The following LHPP variants were observed in gnomAD, a reference collection of about 807,000 sequenced individuals.
The protein encoded by LHPP is phospholysine phosphohistidine inorganic pyrophosphate phosphatase, also known as hLHPP.
A neutral mutation model predicts 30.3 loss-of-function variants in LHPP; 24 were observed. That is an observed-to-expected ratio of 0.79 (90% CI 0.57 to 1.11). The LOEUF (loss-of-function observed/expected upper bound fraction) is 1.11, where lower values mean the gene tolerates loss of function less well. Among genes scored for constraint, LHPP ranks in the 50% most tolerant of loss-of-function variants. LHPP has a pLI of 0.00. For missense variants in LHPP, 356 were observed against 367.2 expected, an observed-to-expected ratio of 0.97 and a Z score of 0.25; for synonymous variants, 150 against 157.1, an observed-to-expected ratio of 0.95 and a Z score of 0.34.
chr10:124,461,954 C>G lies in LHPP; in HGVS notation c.92C>G (p.Thr31Arg). Residue 31 changes from threonine (T) to arginine (R), a missense_variant, in exon 1 of 7, where the codon ACG becomes AGG. Physicochemically the swap from Thr to Arg is moderately conservative, Grantham distance 71. Transcript: ENST00000368842. ...TACGACAGCGGCGCGGGCGGCGGCA[C>G]GGCCATCGCCGGCTCGGTGGAGGCG... ...VLYDSGAGGG[T>R]AIAGSVEAVA... is the part of the protein sequence containing the mutation. 2 of 1,228,194 alleles carry G rather than the reference C, an allele frequency of 1.6e-6. No individual in the cohort carries two copies. 76.1% of individuals were successfully genotyped at this position (1,228,194 alleles called of 1,614,324 possible).
At chr10:124,522,731 CCA>C (rs1954640602) in intron 6 of LHPP, among the ~76,000 whole-genome samples, 3 of 148,764 alleles carry the variant, frequency 2.0e-5, no homozygotes, top group Admixed American at 2.0e-4. Flanking sequence ...ACGCCCCCCC[CCA>C]AGCACTGTCT....
chr10:124,485,879 G>A (rs1261929336), intron 2 of LHPP, among the ~76,000 whole-genome samples: 1 of 152,168 alleles, frequency 6.6e-6, no homozygotes, highest in Non-Finnish European at 1.5e-5. Flanking sequence ...GGGATTACAG[G>A]CGTGAGCCAC....
intron 6 of LHPP, among the ~76,000 whole-genome samples, chr10:124,550,762 G>A (rs939440545): frequency 6.6e-6 from 1 of 152,190 alleles, no homozygotes; most frequent in Non-Finnish European, 1.5e-5. Context: ...AATGCCAGCT[G>A]GGGGCAGGGA....
chr10:124,531,298 C>T (rs965528783), intron 6 of LHPP, among the ~76,000 whole-genome samples: 10 of 152,312 alleles, frequency 6.6e-5, no homozygotes, highest in African/African-American at 2.2e-4. Flanking sequence ...ATGTCAAGCT[C>T]GTTTCTGTTG....
intron 5 of LHPP, among the ~76,000 whole-genome samples, chr10:124,501,632 C>T (rs1032133259): frequency 8.9e-5 from 13 of 146,876 alleles, no homozygotes; most frequent in African/African-American, 3.4e-4. Flanking sequence ...GAAAAATATT[C>T]TGGAACTGGA....
chr10:124,547,190 C>T (rs1434612751), intron 6 of LHPP, among the ~76,000 whole-genome samples: 1 of 152,202 alleles, frequency 6.6e-6, no homozygotes, highest in African/African-American at 2.4e-5. Context: ...TTCCTGATGG[C>T]TGTGAGCTGT....
intron 6 of LHPP, among the ~76,000 whole-genome samples, chr10:124,606,314 G>A (rs1410504465): frequency 9.2e-5 from 14 of 152,224 alleles, no homozygotes; most frequent in African/African-American, 3.1e-4. Context: ...CGGGAGCAGT[G>A]CTCAGCCTTA....
At chr10:124,539,735 C>CAAAAAAA (rs34308960) in intron 6 of LHPP, among the ~76,000 whole-genome samples, 1 of 120,904 alleles carries the variant, frequency 8.3e-6, no homozygotes, top group Non-Finnish European at 1.6e-5. Context: ...AACCCTGTCT[C>CAAAAAAA]AAAAAAAAAA....
chr10:124,530,307 G>A (rs1954862111), intron 6 of LHPP, among the ~76,000 whole-genome samples: 2 of 152,114 alleles, frequency 1.3e-5, no homozygotes, highest in Non-Finnish European at 2.9e-5. Flanking sequence ...CGGGCCACAA[G>A]AGGGCGCCTT....
intron 5 of LHPP, among the ~76,000 whole-genome samples, chr10:124,503,934 G>A (rs2045181): frequency 0.02 from 3,067 of 152,278 alleles, 125 homozygotes; most frequent in East Asian, 0.13. Flanking sequence ...GCTCACACCT[G>A]TAATCTCAGC....
intron 6 of LHPP, among the ~76,000 whole-genome samples, chr10:124,557,694 G>C (rs1589863260): frequency 2.6e-5 from 4 of 152,262 alleles, no homozygotes; most frequent in Middle Eastern, 6.8e-3. Flanking sequence ...TTACCCTGCT[G>C]GTGGGCTCAC....
At chr10:124,583,738 A>G (rs1948770250) in intron 6 of LHPP, among the ~76,000 whole-genome samples, 1 of 152,186 alleles carries the variant, frequency 6.6e-6, no homozygotes, top group African/African-American at 2.4e-5. Flanking sequence ...CCAAGCCCTG[A>G]GAGATCTGCC....
At position 124,497,370 on chromosome 10, in the gene LHPP, G is replaced by T. The variant is rs60413096; in HGVS notation, c.531+346G>T. Among the ~76,000 whole-genome samples, 601 of 152,138 alleles carry T rather than the reference G, an allele frequency of 4.0e-3. 2 individuals are homozygous for T. Among genetic ancestry groups the T allele is most frequent in the African/African-American group, 0.014 (582 of 41,482 alleles). On this transcript the variant is annotated intron_variant, in intron 4 of 6. Coordinates refer to ENST00000368842, the MANE Select transcript of LHPP (RefSeq NM_022126.4). ...GCTGCTCTCTGCCACACTCCTCTCG[G>T]GCTTGTGGCTTCTGTATCAGTGCTG...
Position 124,498,068 on chromosome 10 carries a change from G to A in LHPP, c.564G>A (p.Gly188=), listed in dbSNP as rs934071915. 8.7e-6 allele frequency: 14 copies of A among 1,614,004 alleles called. No individual in the cohort carries two copies. Among genetic ancestry groups the A allele is most frequent in the Admixed American group, 1.7e-5 (1 of 60,004 alleles). ...YACGIKAEVV[G]KPSPEFFKSA... ...GTGGCATCAAAGCCGAGGTGGTGGG[G>A]AAGCCTTCTCCTGAGTTTTTCAAGT... The change falls in exon 5 of 7, where the codon GGG becomes GGA. Residue 188 remains glycine (G), a synonymous_variant. Transcript: ENST00000368842.
At chr10:124,463,368 A>G (rs1042374443) in intron 1 of LHPP, among the ~76,000 whole-genome samples, 1 of 143,956 alleles carries the variant, frequency 6.9e-6, no homozygotes, top group Admixed American at 6.8e-5. Context: ...CCATGAGGAC[A>G]CTTTTTTTTT....
In LHPP at chr10:124,478,604, G is replaced by A. The variant is rs1953026389; in HGVS notation, c.126-5535G>A. On this transcript the variant is annotated intron_variant, in intron 1 of 6. Transcript: ENST00000368842. This position sits in a 1 kb window ranked among gnomAD's most constrained non-coding sequence, Gnocchi z 4.7. Reference sequence around the variant, plus strand: ...GAGGGTTTTCATTATTTGCGGGTGAGCGCTCCTGGCAGATGCCAACAGCCA... The same window carrying A: ...GAGGGTTTTCATTATTTGCGGGTGAACGCTCCTGGCAGATGCCAACAGCCA... Among the ~76,000 whole-genome samples the A allele has an allele frequency of 6.6e-6, 1 of 152,244 alleles. No homozygotes were observed. The highest frequency in any genetic ancestry group is 2.1e-4 in the South Asian group (1 of 4,836).
chr10:124,549,764 G>C (rs534358517), intron 6 of LHPP, among the ~76,000 whole-genome samples: 455 of 152,364 alleles, frequency 3.0e-3, no homozygotes, highest in Non-Finnish European at 4.9e-3. Context: ...GCATGGCCGG[G>C]AAAGGCATGG....
At chr10:124,525,641 A>G (rs1458246398) in intron 6 of LHPP, among the ~76,000 whole-genome samples, 1 of 152,186 alleles carries the variant, frequency 6.6e-6, no homozygotes, top group Non-Finnish European at 1.5e-5. Context: ...GCAGGTGAAC[A>G]TGGGGTTTCC....
intron 1 of LHPP, among the ~76,000 whole-genome samples, chr10:124,476,033 A>G (rs1197110424): frequency 1.3e-5 from 2 of 152,132 alleles, no homozygotes; most frequent in Non-Finnish European, 2.9e-5. Context: ...TCCGTGGCAC[A>G]GGCACTTCAG....
Sources: allele counts gnomAD v4.1 joint callset (sites outside exome capture counted in the v4.1 genomes callset), GRCh38; gene constraint gnomAD v4.1.1; non-coding constraint Gnocchi (gnomAD v3.1); transcripts MANE v1.5; gene names NCBI Gene and HGNC (gene_info 2026-07-23, HGNC 2026-07-21).